FOXO1: variants seen among roughly 807,000 people sequenced by gnomAD.
The protein encoded by FOXO1 is forkhead box O1, also known as forkhead box protein O1.
A neutral mutation model predicts 44.1 loss-of-function variants in FOXO1; 6 were observed. That is an observed-to-expected ratio of 0.14 (90% CI 0.07 to 0.27). FOXO1 has a LOEUF of 0.27. Ranked by LOEUF, FOXO1 falls within the 10% of genes least tolerant of loss-of-function variation. The pLI is 1.00. For missense variants in FOXO1, 737 were observed against 888.8 expected (o/e 0.83, Z 2.17); for synonymous variants, 380 against 362.7 (o/e 1.05, Z -0.54).
At chr13:40,633,287 T>C (rs564792394) in intron 1 of FOXO1, among the ~76,000 whole-genome samples, 3 of 152,268 alleles carry the variant, frequency 2.0e-5, no homozygotes, top group South Asian at 2.1e-4. Context: ...GAAACATACA[T>C]ATATGCACAT....
At chr13:40,605,395 C>T (rs751956693) in intron 1 of FOXO1, among the ~76,000 whole-genome samples, 1 of 152,150 alleles carries the variant, frequency 6.6e-6, no homozygotes, top group Non-Finnish European at 1.5e-5. Flanking sequence ...GTGCTTAAAA[C>T]TTTAACCTAA....
At chr13:40,564,019 G>T (rs1874158029) in intron 1 of FOXO1, among the ~76,000 whole-genome samples, 1 of 152,142 alleles carries the variant, frequency 6.6e-6, no homozygotes, top group Non-Finnish European at 1.5e-5. Flanking sequence ...CTGGAGGAGA[G>T]GAAGCTTGAC....
intron 1 of FOXO1, among the ~76,000 whole-genome samples, chr13:40,622,617 C>A (rs1054557993): frequency 6.6e-6 from 1 of 152,132 alleles, no homozygotes; most frequent in African/African-American, 2.4e-5. Flanking sequence ...AAGCCTCCTG[C>A]CTGCTTGACA....
In FOXO1 at chr13:40,577,146, A is replaced by G. The variant is rs539314741; in HGVS notation, c.631-16286T>C. ...TGAGGATAAGCTGCAGTGGCATCAG[A>G]CTCCCCCCACCCACCCACCCCTCCT... On this transcript the variant is annotated intron_variant, in intron 1 of 2. Transcript: ENST00000379561. 3.1e-4 allele frequency among the ~76,000 whole-genome samples: 46 copies of G among 149,010 alleles called. 1 individual carries two copies. Among genetic ancestry groups the G allele is most frequent in the African/African-American group, 1.0e-3 (41 of 40,312 alleles).
At chr13:40,616,220 G>C (rs1566076528) in intron 1 of FOXO1, among the ~76,000 whole-genome samples, 1 of 152,052 alleles carries the variant, frequency 6.6e-6, no homozygotes, top group Admixed American at 6.6e-5. Flanking sequence ...TGAAAAACAA[G>C]TATCTTTAGC....
chr13:40,642,317 G>C (rs1041387028), intron 1 of FOXO1, among the ~76,000 whole-genome samples: 7 of 152,110 alleles, frequency 4.6e-5, no homozygotes, highest in African/African-American at 1.7e-4. Flanking sequence ...TAGACATACA[G>C]TCAGCGAATG....
chr13:40,590,080 C>G (rs1875312061), intron 1 of FOXO1, among the ~76,000 whole-genome samples: 1 of 152,172 alleles, frequency 6.6e-6, no homozygotes, highest in Non-Finnish European at 1.5e-5. Context: ...CTACCCAACT[C>G]CTCCCAATAA....
At chr13:40,602,356 T>C (rs1315524396) in intron 1 of FOXO1, among the ~76,000 whole-genome samples, 1 of 152,168 alleles carries the variant, frequency 6.6e-6, no homozygotes, top group African/African-American at 2.4e-5. Flanking sequence ...GTATATGAGA[T>C]AACTAAAAGC....
intron 1 of FOXO1, among the ~76,000 whole-genome samples, chr13:40,632,866 A>T: frequency 6.6e-6 from 1 of 151,342 alleles, no homozygotes; most frequent in East Asian, 1.9e-4. Context: ...AATCACTTGA[A>T]TCCGAGCTGA....
chr13:40,567,619 GA>G (rs1464540373), intron 1 of FOXO1, among the ~76,000 whole-genome samples: 1 of 152,144 alleles, frequency 6.6e-6, no homozygotes, highest in Non-Finnish European at 1.5e-5. Context: ...TGAGGGAGCA[GA>G]AATAATTCTG....
At chr13:40,615,940 T>A (rs1220073266) in intron 1 of FOXO1, among the ~76,000 whole-genome samples, 1 of 152,188 alleles carries the variant, frequency 6.6e-6, no homozygotes, top group East Asian at 1.9e-4. Flanking sequence ...AGAGGATCCG[T>A]CTGGCCTTGC....
In FOXO1 at chr13:40,555,690, T is replaced by C. The variant is rs1251027834; in HGVS notation, c.*3359A>G. On this transcript the variant is annotated 3_prime_UTR_variant, in exon 3 of 3. Coordinates refer to ENST00000379561, the MANE Select transcript of FOXO1 (RefSeq NM_002015.4). The stretch of plus-strand genomic sequence containing the variant: ...TGTGGCTGACAAGACTTAACTCAAG[T>C]ATTTAATAGCTTCACAAAAAATTCC... 2 of 152,670 alleles carry C rather than the reference T, an allele frequency of 1.3e-5. No homozygotes were observed. The highest frequency in any genetic ancestry group is 2.4e-5 in the African/African-American group (1 of 41,470). 9.5% of individuals were successfully genotyped at this position (152,670 alleles called of 1,614,324 possible).
chr13:40,656,344 T>C (rs1160158709), intron 1 of FOXO1, among the ~76,000 whole-genome samples: 5 of 152,240 alleles, frequency 3.3e-5, no homozygotes, highest in Non-Finnish European at 7.3e-5. Flanking sequence ...TTGCCTTAAG[T>C]ATATTTTGAA....
At chr13:40,561,943 CAAAA>C (rs60373589) in intron 1 of FOXO1, among the ~76,000 whole-genome samples, 3 of 67,544 alleles carry the variant, frequency 4.4e-5, no homozygotes, top group Admixed American at 1.6e-4. Context: ...ACTCTGTCGC[CAAAA>C]AAAAAAAAAA....
At chr13:40,665,096 C>T (rs966337987) in intron 1 of FOXO1, among the ~76,000 whole-genome samples, 3 of 151,656 alleles carry the variant, frequency 2.0e-5, no homozygotes, top group African/African-American at 7.3e-5. Flanking sequence ...CACCTGCAGC[C>T]CGGTCCCGGG....
intron 1 of FOXO1, among the ~76,000 whole-genome samples, chr13:40,590,465 G>C (rs950048873): frequency 2.0e-5 from 3 of 152,322 alleles, no homozygotes; most frequent in East Asian, 1.9e-4. Flanking sequence ...CTCTTGCGGA[G>C]TTACAGAAGA....
chr13:40,664,218 A>G lies in FOXO1; in HGVS notation c.630+1365T>C, dbSNP rs189687067. 2.3e-3 allele frequency among the ~76,000 whole-genome samples: 351 copies of G among 152,328 alleles called. 2 individuals carry two copies. Among genetic ancestry groups the G allele is most frequent in the South Asian group, 6.0e-3 (29 of 4,828 alleles). On this transcript the variant is annotated intron_variant, in intron 1 of 2. Transcript: ENST00000379561. The stretch of plus-strand genomic sequence containing the variant: ...AACCAGAGAGTCGGAGGTTGCAGTG[A>G]GCCGAGATCGCGCCACGGTACTCCA...
chr13:40,663,185 A>G (rs1396732181), intron 1 of FOXO1, among the ~76,000 whole-genome samples: 2 of 152,146 alleles, frequency 1.3e-5, no homozygotes, highest in Non-Finnish European at 2.9e-5. Flanking sequence ...ATAACTTAAC[A>G]GGTCTCCTAG....
intron 1 of FOXO1, among the ~76,000 whole-genome samples, chr13:40,651,775 T>C (rs1593415933): frequency 6.6e-6 from 1 of 151,972 alleles, no homozygotes; most frequent in Non-Finnish European, 1.5e-5. Context: ...ATTCATTCTA[T>C]CTCAAAATTT....
Sources: gnomAD v4.1 joint callset for allele counts (sites outside exome capture counted in the v4.1 genomes callset) on GRCh38, gnomAD v4.1.1 for gene constraint, MANE v1.5 for transcripts, NCBI Gene and HGNC (gene_info 2026-07-23, HGNC 2026-07-21) for gene names.